ARK2N: variants seen among roughly 807,000 people sequenced by gnomAD.
The protein encoded by ARK2N is arkadia (RNF111) N-terminal like PKA signaling regulator 2N.
At chr18:46,266,117 C>T in the ARK2N span, 1 of 152,198 alleles carries the variant, frequency 6.6e-6, no homozygotes, top group Non-Finnish European at 1.5e-5. Flanking sequence ...GGCAATCAAA[C>T]ATCCCATAAA....
chr18:46,215,709 G>A, the ARK2N span: 1 of 581,640 alleles, frequency 1.7e-6, no homozygotes, highest in East Asian at 2.9e-5. Flanking sequence ...TTAAAGGCCT[G>A]TGTAATAGTA....
At chr18:46,236,845 T>C in the ARK2N span, among the ~76,000 whole-genome samples, 1 of 151,260 alleles carries the variant, frequency 6.6e-6, no homozygotes, top group Non-Finnish European at 1.5e-5. Context: ...TTTTTTGTTG[T>C]TGTTGTTGTT....
the ARK2N span, among the ~76,000 whole-genome samples, chr18:46,199,218 T>G: frequency 1.3e-5 from 2 of 152,236 alleles, no homozygotes; most frequent in East Asian, 3.8e-4. Context: ...TCATGCCATC[T>G]TTTACCTTTC....
At chr18:46,252,918 A>C in the ARK2N span, among the ~76,000 whole-genome samples, 4 of 152,208 alleles carry the variant, frequency 2.6e-5, no homozygotes, top group African/African-American at 9.6e-5. Context: ...ATTTTATTGC[A>C]TCATATAATA....
At chr18:46,185,384 C>CT in the ARK2N span, among the ~76,000 whole-genome samples, 9 of 152,210 alleles carry the variant, frequency 5.9e-5, no homozygotes, top group African/African-American at 2.2e-4. Flanking sequence ...TAAATTTCCT[C>CT]TGATAGCTCT....
chr18:46,211,660 A>G, the ARK2N span, among the ~76,000 whole-genome samples: 1 of 152,130 alleles, frequency 6.6e-6, no homozygotes, highest in African/African-American at 2.4e-5. Flanking sequence ...AATAATCAAT[A>G]ATGTAAGATA....
the ARK2N span, among the ~76,000 whole-genome samples, chr18:46,241,391 A>G: frequency 6.6e-6 from 1 of 152,292 alleles, no homozygotes; most frequent in Admixed American, 6.5e-5. Flanking sequence ...TCTTTTAAGG[A>G]TTTATTAATA....
the ARK2N span, among the ~76,000 whole-genome samples, chr18:46,196,038 T>C: frequency 6.6e-6 from 1 of 152,006 alleles, no homozygotes; most frequent in African/African-American, 2.4e-5. Context: ...TGGAGTGCAG[T>C]GGTGCGATCT....
At chr18:46,185,082 A>G in the ARK2N span, among the ~76,000 whole-genome samples, 13 of 152,250 alleles carry the variant, frequency 8.5e-5, no homozygotes, top group African/African-American at 2.7e-4. Context: ...ATGTATTTTC[A>G]TATACAAATG....
At chr18:46,212,160 T>G in the ARK2N span, among the ~76,000 whole-genome samples, 1 of 152,186 alleles carries the variant, frequency 6.6e-6, no homozygotes. Flanking sequence ...ATAGTAGAAT[T>G]TATTGACTAA....
At chr18:46,190,572 T>G in the ARK2N span, among the ~76,000 whole-genome samples, 1 of 151,734 alleles carries the variant, frequency 6.6e-6, no homozygotes, top group South Asian at 2.1e-4. Context: ...TTTAAAAAAA[T>G]CATTAGTGTC....
At chr18:46,197,061 G>A in the ARK2N span, among the ~76,000 whole-genome samples, 1 of 152,148 alleles carries the variant, frequency 6.6e-6, no homozygotes, top group Admixed American at 6.6e-5. Flanking sequence ...ATTATTAGAA[G>A]CAAGCCATCA....
the ARK2N span, among the ~76,000 whole-genome samples, chr18:46,224,105 A>G: frequency 6.6e-6 from 1 of 152,202 alleles, no homozygotes; most frequent in African/African-American, 2.4e-5. Flanking sequence ...CTGGGTATTA[A>G]TAGTTGTACA....
chr18:46,209,756 C>T, the ARK2N span, among the ~76,000 whole-genome samples: 12 of 152,060 alleles, frequency 7.9e-5, no homozygotes, highest in East Asian at 3.9e-4. Flanking sequence ...CCACCACACC[C>T]GGCTAATTTT....
At chr18:46,200,979 CT>C in the ARK2N span, among the ~76,000 whole-genome samples, 63,175 of 112,304 alleles carry the variant, frequency 0.56, 16,364 homozygotes, top group Middle Eastern at 0.65. Context: ...TTTCTTTTTT[CT>C]TTTTTTTTTT....
chr18:46,183,398 C>G, the ARK2N span, among the ~76,000 whole-genome samples: 1 of 152,172 alleles, frequency 6.6e-6, no homozygotes, highest in Non-Finnish European at 1.5e-5. Context: ...TATATTCTTT[C>G]TCTTGCTTCT....
At chr18:46,217,287 A>G in the ARK2N span, 3 of 152,340 alleles carry the variant, frequency 2.0e-5, no homozygotes, top group Non-Finnish European at 4.4e-5. Flanking sequence ...TGCTTTCCCC[A>G]TTCTTATTGC....
At chr18:46,243,620 C>T in the ARK2N span, among the ~76,000 whole-genome samples, 1 of 152,174 alleles carries the variant, frequency 6.6e-6, no homozygotes, top group Non-Finnish European at 1.5e-5. Flanking sequence ...TACTGATCAA[C>T]AAAAGACCTG....
At chr18:46,224,163 T>G in the ARK2N span, among the ~76,000 whole-genome samples, 2 of 152,220 alleles carry the variant, frequency 1.3e-5, no homozygotes, top group African/African-American at 4.8e-5. Flanking sequence ...AACAGATGCC[T>G]TTTGTTTTAA....
Sources: allele counts gnomAD v4.1 joint callset (sites outside exome capture counted in the v4.1 genomes callset), GRCh38; gene constraint gnomAD v4.1.1; transcripts MANE v1.5; gene names NCBI Gene and HGNC (gene_info 2026-07-23, HGNC 2026-07-21).